CDCA2: variants seen among roughly 807,000 people sequenced by gnomAD.
CDCA2 encodes the protein cell division cycle-associated protein 2.
Under a neutral mutation model 67.0 loss-of-function variants are expected in CDCA2, and 44 were observed. That is an observed-to-expected ratio of 0.66 (90% CI 0.52 to 0.84). CDCA2 has a LOEUF of 0.84. Among genes scored for constraint, CDCA2 ranks in the 40% least tolerant of loss-of-function variants. The pLI is 0.00. For missense variants in CDCA2, 1,253 were observed against 1,203.2 expected, an observed-to-expected ratio of 1.04 and a Z score of -0.61; for synonymous variants, 447 against 418.7, an observed-to-expected ratio of 1.07 and a Z score of -0.82.
Position 25,503,399 on chromosome 8 carries a change from A to C in CDCA2, c.1698A>C (p.Lys566Asn), listed in dbSNP as rs1448695659. 1 of 1,613,552 alleles carries C rather than the reference A, an allele frequency of 6.2e-7. No individual in the cohort carries two copies. Among genetic ancestry groups the C allele is most frequent in the East Asian group, 2.2e-5 (1 of 44,870 alleles). Reference protein sequence around the residue: ...SQVLKSCRKKKGKGKKSVQKS... With the variant: ...SQVLKSCRKKNGKGKKSVQKS... Reference sequence around the variant, plus strand: ...TTTTAAAAAGTTGCAGAAAGAAGAAAGGAAAGGGAAAGAAAAGTGTTCAGA... The same window carrying C: ...TTTTAAAAAGTTGCAGAAAGAAGAACGGAAAGGGAAAGAAAAGTGTTCAGA... The change falls in exon 14 of 15, where the codon AAA (lysine) becomes AAC (asparagine). Residue 566 changes from lysine (K) to asparagine (N), a missense_variant. Transcript: ENST00000330560.
intron 13 of CDCA2, among the ~76,000 whole-genome samples, chr8:25,492,135 G>GT (rs34422943): frequency 1.6e-5 from 1 of 60,874 alleles, no homozygotes; most frequent in Non-Finnish European, 3.2e-5. Flanking sequence ...GCGGGGGGTT[G>GT]GGGGGTCTCA....
At chr8:25,465,881 T>A (rs531289404) in intron 4 of CDCA2, among the ~76,000 whole-genome samples, 2 of 152,160 alleles carry the variant, frequency 1.3e-5, no homozygotes, top group Non-Finnish European at 2.9e-5. Flanking sequence ...AAATTGCAAA[T>A]AGACAGGTTC....
intron 6 of CDCA2, 149 bp downstream of exon 6, chr8:25,468,562 T>TGTGTGTGC (rs1554520636): frequency 5.3e-5 from 24 of 452,406 alleles, no homozygotes; most frequent in Non-Finnish European, 6.6e-5. Flanking sequence ...TGTGTGCGTG[T>TGTGTGTGC]GTGTGTGTGT....
At chr8:25,481,228 T>C (rs1803555659) in intron 8 of CDCA2, among the ~76,000 whole-genome samples, 1 of 53,158 alleles carries the variant, frequency 1.9e-5, no homozygotes, top group African/African-American at 5.6e-5. Flanking sequence ...GAGACCAGTC[T>C]GGGACAAAAA....
intron 13 of CDCA2, 119 bp from the exon 14 acceptor site, chr8:25,503,254 G>A: frequency 1.3e-6 from 1 of 752,714 alleles, no homozygotes; most frequent in Non-Finnish European, 2.2e-6. Flanking sequence ...CTGCACTCCA[G>A]CCTGGATGAC....
intron 7 of CDCA2, chr8:25,479,607 T>C (rs940573807): frequency 2.6e-6 from 1 of 381,554 alleles, no homozygotes; most frequent in Non-Finnish European, 4.9e-6. Context: ...AGAGGCACGC[T>C]AATAGCTTAT....
chr8:25,476,454 C>T (rs2117502642), intron 7 of CDCA2, among the ~76,000 whole-genome samples: 1 of 152,224 alleles, frequency 6.6e-6, no homozygotes, highest in Middle Eastern at 3.4e-3. Context: ...GGTCTTGGTC[C>T]TCTCACCCCT....
intron 5 of CDCA2, among the ~76,000 whole-genome samples, chr8:25,467,065 AAC>A (rs748648393): frequency 0.031 from 3,869 of 124,732 alleles, 213 homozygotes; most frequent in Non-Finnish European, 0.043. Context: ...AAAAAAAAAA[AAC>A]ACACACACAC....
chr8:25,489,153 C>T (rs142257067), intron 13 of CDCA2, among the ~76,000 whole-genome samples: 1 of 152,278 alleles, frequency 6.6e-6, no homozygotes, highest in Non-Finnish European at 1.5e-5. Flanking sequence ...GATACCCTTA[C>T]AGTCCATGTG....
intron 14 of CDCA2, among the ~76,000 whole-genome samples, chr8:25,504,709 C>A (rs1310203312): frequency 6.6e-6 from 1 of 152,060 alleles, no homozygotes; most frequent in South Asian, 2.1e-4. Context: ...CATGCTTTCT[C>A]ACAGGCTGTG....
intron 4 of CDCA2, among the ~76,000 whole-genome samples, chr8:25,462,623 C>CAA (rs58705872): frequency 4.4e-3 from 446 of 102,008 alleles, no homozygotes; most frequent in African/African-American, 0.015. Context: ...GAGACTGTCT[C>CAA]AAAAAAAAAA....
At chr8:25,459,712 T>C (rs1482010591) in intron 1 of CDCA2, among the ~76,000 whole-genome samples, 1 of 152,202 alleles carries the variant, frequency 6.6e-6, no homozygotes, top group Non-Finnish European at 1.5e-5. Flanking sequence ...TCCTTTGGGG[T>C]CTGCTTTGGT....
At position 25,506,849 on chromosome 8, in the gene CDCA2, A is replaced by C. The variant is rs765467570; in HGVS notation, c.2183A>C (p.Lys728Thr). 7.4e-6 allele frequency: 12 copies of C among 1,613,858 alleles called. No individual in the cohort carries two copies. In the African/African-American group the frequency reaches 1.6e-4, roughly 22 times the overall value. The change falls in exon 15 of 15, where the codon AAA becomes ACA. Residue 728 changes from lysine to threonine, a missense_variant. Physicochemically the swap from Lys to Thr is moderately conservative, Grantham distance 78 (BLOSUM62 -1). Coordinates refer to ENST00000330560, the MANE Select transcript of CDCA2 (RefSeq NM_152562.4). ...GAACGTGTGGCATCAGATAGTCCCAAACCTGCTCTGACCCTGCAGCAGGGT... is the reference window on the plus strand; with the variant it reads ...GAACGTGTGGCATCAGATAGTCCCACACCTGCTCTGACCCTGCAGCAGGGT... ...TEERVASDSP[K>T]PALTLQQGQE...
intron 13 of CDCA2, among the ~76,000 whole-genome samples, chr8:25,492,753 C>G (rs961531284): frequency 6.6e-6 from 1 of 152,150 alleles, no homozygotes; most frequent in Admixed American, 6.5e-5. Context: ...CAACTAAGGA[C>G]GAAGCTTTTA....
chr8:25,487,448 A>T (rs1803823003), intron 12 of CDCA2, 114 bp downstream of exon 12: 1 of 726,150 alleles, frequency 1.4e-6, no homozygotes. Flanking sequence ...TGTCATTAAG[A>T]ATTAATACTT....
intron 6 of CDCA2, among the ~76,000 whole-genome samples, chr8:25,469,648 G>T (rs999722792): frequency 4.3e-5 from 6 of 140,306 alleles, no homozygotes; most frequent in Admixed American, 2.2e-4. Context: ...TTGATTTGTG[G>T]GATGTTTAGG....
At chr8:25,479,694 C>G (rs982357039) in intron 7 of CDCA2, 1 of 548,456 alleles carries the variant, frequency 1.8e-6, no homozygotes, top group African/African-American at 1.9e-5. Flanking sequence ...CCCACTTTAC[C>G]CTTCGTAGTC....
At chr8:25,488,128 C>A (rs1803853472) in intron 12 of CDCA2, among the ~76,000 whole-genome samples, 1 of 152,008 alleles carries the variant, frequency 6.6e-6, no homozygotes, top group African/African-American at 2.4e-5. Context: ...AAAGTATAAA[C>A]ATATACTGTT....
At chr8:25,494,736 A>T (rs1197299540) in intron 13 of CDCA2, among the ~76,000 whole-genome samples, 1 of 152,218 alleles carries the variant, frequency 6.6e-6, no homozygotes, top group Non-Finnish European at 1.5e-5. Context: ...AGGATCTCAG[A>T]ATGTGACTGT....
Sources: gnomAD v4.1 joint callset for allele counts (sites outside exome capture counted in the v4.1 genomes callset) on GRCh38, gnomAD v4.1.1 for gene constraint, MANE v1.5 for transcripts, NCBI Gene and HGNC (gene_info 2026-07-23, HGNC 2026-07-21) for gene names.